Variants in CCDC15 observed in about 807,000 individuals in gnomAD.
CCDC15 encodes the protein coiled-coil domain containing 15, also known as coiled-coil domain-containing protein 15.
In CCDC15, 105 loss-of-function variants were observed where a neutral mutation model predicts 114.5. The observed-to-expected ratio is 0.92, with a 90% confidence interval of 0.78 to 1.08. The LOEUF (loss-of-function observed/expected upper bound fraction) is 1.08. Among genes scored for constraint, CCDC15 ranks in the 50% least tolerant of loss-of-function variants. The pLI is 0.00. For synonymous variants in CCDC15, 334 were observed against 377.8 expected (o/e 0.88, Z 1.34); for missense variants, 1,105 against 1,093.6 (o/e 1.01, Z -0.15).
intron 2 of CCDC15, among the ~76,000 whole-genome samples, chr11:124,957,110 A>G (rs1034390025): frequency 6.6e-6 from 1 of 152,222 alleles, no homozygotes; most frequent in African/African-American, 2.4e-5. Flanking sequence ...CCCAGAACTT[A>G]GTGGTATAAA....
chr11:125,011,239 A>AT (rs1398467750), intron 13 of CCDC15, among the ~76,000 whole-genome samples: 53 of 135,160 alleles, frequency 3.9e-4, no homozygotes, highest in African/African-American at 1.2e-3. Flanking sequence ...TATTATTATT[A>AT]TTATTATTAT....
At chr11:124,993,625 C>T (rs976815721) in intron 11 of CCDC15, among the ~76,000 whole-genome samples, 8 of 152,100 alleles carry the variant, frequency 5.3e-5, no homozygotes, top group South Asian at 2.1e-4. Context: ...ACTTCCATAG[C>T]GCCATGGATA....
intron 4 of CCDC15, among the ~76,000 whole-genome samples, chr11:124,974,803 C>A (rs1947946480): frequency 6.6e-6 from 1 of 152,126 alleles, no homozygotes; most frequent in African/African-American, 2.4e-5. Flanking sequence ...TTAATTCAGA[C>A]TTTAGGTTTT....
At chr11:125,006,613 T>G (rs1369232297) in intron 13 of CCDC15, among the ~76,000 whole-genome samples, 1 of 152,230 alleles carries the variant, frequency 6.6e-6, no homozygotes, top group Non-Finnish European at 1.5e-5. Context: ...TCACTTAGAT[T>G]TTCTCCTGTG....
intron 2 of CCDC15, 42 bp downstream of exon 2, chr11:124,954,951 ACCC>A: frequency 1.3e-6 from 2 of 1,578,694 alleles, no homozygotes; most frequent in Non-Finnish European, 1.7e-6. Flanking sequence ...GTTCCCCACC[ACCC>A]TTTTTATTAG....
At chr11:124,959,754 AT>A in intron 3 of CCDC15, 60 bp from the exon 4 acceptor site, 1 of 1,231,314 alleles carries the variant, frequency 8.1e-7, no homozygotes, top group South Asian at 1.8e-5. Context: ...CTTTAGAGGC[AT>A]TATTTGATTG....
chr11:124,994,459 T>C (rs183616202), intron 11 of CCDC15, among the ~76,000 whole-genome samples: 3 of 152,324 alleles, frequency 2.0e-5, no homozygotes, highest in Admixed American at 1.3e-4. Context: ...CCTAGGGTAT[T>C]TTGGGGAGCA....
intron 15 of CCDC15, among the ~76,000 whole-genome samples, chr11:125,039,770 A>G (rs1294563970): frequency 1.3e-5 from 2 of 152,170 alleles, no homozygotes. Flanking sequence ...CCACTGCAGT[A>G]TAAGATGCAT....
Position 124,992,661 on chromosome 11 carries a change from C to T in CCDC15, c.2113C>T (p.Gln705Ter), listed in dbSNP as rs1178465586. 6.3e-7 allele frequency: 1 copy of T among 1,591,044 alleles called. No individual in the cohort carries two copies. Among genetic ancestry groups the T allele is most frequent in the East Asian group, 2.3e-5 (1 of 44,424 alleles). ...TCATCAATATGTTGTACCTAAAATC[C>T]AGGACCAAGACTCCCCTAGAGAACA... Reference protein sequence around the residue: ...DYHQYVVPKIQDQDSPREQNK... With the variant: ...DYHQYVVPKI Residue 705 changes from glutamine (Q) to a stop codon, truncating the protein, a stop_gained, in exon 10 of 16, where the codon CAG (glutamine) becomes TAG (stop). Coordinates refer to ENST00000344762, the MANE Select transcript of CCDC15 (RefSeq NM_025004.3). LOFTEE classifies it high-confidence loss of function.
chr11:124,964,563 A>G (rs1391437894), intron 4 of CCDC15, among the ~76,000 whole-genome samples: 1 of 152,214 alleles, frequency 6.6e-6, no homozygotes, highest in African/African-American at 2.4e-5. Flanking sequence ...GGTTTTCTAA[A>G]TATACAATCA....
At chr11:125,003,505 G>T (rs1198903423) in intron 11 of CCDC15, among the ~76,000 whole-genome samples, 2 of 151,992 alleles carry the variant, frequency 1.3e-5, no homozygotes, top group Non-Finnish European at 1.5e-5. Context: ...ATCATATATA[G>T]AATTGAAATA....
At chr11:124,976,202 G>A (rs935372340) in intron 5 of CCDC15, among the ~76,000 whole-genome samples, 3 of 148,426 alleles carry the variant, frequency 2.0e-5, no homozygotes, top group Non-Finnish European at 4.5e-5. Flanking sequence ...ATATTTTCCT[G>A]GAATATGCAT....
Position 124,992,610 on chromosome 11 carries a change from G to T in CCDC15, c.2062G>T (p.Val688Leu). The change falls in exon 10 of 16, where the codon GTG becomes TTG. Residue 688 changes from valine to leucine, a missense_variant. Coordinates refer to ENST00000344762, the MANE Select transcript of CCDC15 (RefSeq NM_025004.3). Reference sequence around the variant, plus strand: ...TGCATCTTTTATGAGAGAAGAAAGAGTGAGAGAAGAATTGCCTCTGGACTA... The same window carrying T: ...TGCATCTTTTATGAGAGAAGAAAGATTGAGAGAAGAATTGCCTCTGGACTA... ...QPASFMREER[V>L]REELPLDYHQ... The T allele has an allele frequency of 1.9e-6, 3 of 1,599,960 alleles. No homozygotes were observed. Among genetic ancestry groups the T allele is most frequent in the East Asian group, 2.2e-5 (1 of 44,634 alleles).
chr11:124,988,179 C>T lies in CCDC15; in HGVS notation c.1908+45C>T, dbSNP rs373843708. ...AGATACAAAAAGAAGAAATAAGCTA[C>T]TTAGGGTTTGAGGAGGGATTTGTAA... On this transcript the variant is annotated intron_variant, in intron 8 of 15. Coordinates refer to ENST00000344762, the MANE Select transcript of CCDC15 (RefSeq NM_025004.3). 706 of 1,557,802 alleles carry T rather than the reference C, an allele frequency of 4.5e-4. 1 individual carries two copies. Among genetic ancestry groups the T allele is most frequent in the Non-Finnish European group, 3.7e-4 (423 of 1,154,088 alleles).
intron 4 of CCDC15, among the ~76,000 whole-genome samples, 180 bp downstream of exon 4, chr11:124,960,183 C>G (rs1947635207): frequency 6.8e-6 from 1 of 146,284 alleles, no homozygotes; most frequent in Non-Finnish European, 1.5e-5. Context: ...TGGGATAATG[C>G]TTTTTAAAAA....
chr11:125,040,522 AAGAT>A (rs1948808493), intron 15 of CCDC15, 64 bp from the exon 16 acceptor site: 3 of 1,468,530 alleles, frequency 2.0e-6, no homozygotes, highest in African/African-American at 2.8e-5. Context: ...CAGTACTAAT[AAGAT>A]AGAGGCTGGT....
rs61912675 is a variant in CCDC15 at position 125,030,847 on chromosome 11, T to C, written c.2412-7584T>C. On this transcript the variant is annotated intron_variant, in intron 13 of 15. Transcript: ENST00000344762. ...GGCTGGGGAAAGAGGGTGAGTGGTGTCCACAGAATGGGTCATCCTATCCAC... is the reference window on the plus strand; with the variant it reads ...GGCTGGGGAAAGAGGGTGAGTGGTGCCCACAGAATGGGTCATCCTATCCAC... 4.7e-3 allele frequency among the ~76,000 whole-genome samples: 715 copies of C among 152,230 alleles called. 5 individuals are homozygous for C. The highest frequency in any genetic ancestry group is 8.1e-3 in the Non-Finnish European group (550 of 68,004).
intron 10 of CCDC15, 57 bp downstream of exon 10, chr11:124,992,744 A>G (rs1390156338): frequency 4.1e-6 from 4 of 985,906 alleles, no homozygotes; most frequent in Non-Finnish European, 6.1e-6. Flanking sequence ...ACAAGCCTAA[A>G]TCATATTAAC....
At chr11:125,031,385 C>A (rs1948738450) in intron 13 of CCDC15, among the ~76,000 whole-genome samples, 1 of 152,198 alleles carries the variant, frequency 6.6e-6, no homozygotes, top group South Asian at 2.1e-4. Context: ...GGCATTTGAG[C>A]CACTTCCTCA....
Sources: allele counts gnomAD v4.1 joint callset (sites outside exome capture counted in the v4.1 genomes callset), GRCh38; gene constraint gnomAD v4.1.1; transcripts MANE v1.5; gene names NCBI Gene and HGNC (gene_info 2026-07-23, HGNC 2026-07-21).